Variants in LDB2 observed in about 807,000 individuals in gnomAD.
LDB2 encodes LIM domain-binding protein 2.
In LDB2, 12 loss-of-function variants were observed where a neutral mutation model predicts 44.3. The ratio of observed to expected loss-of-function variants is 0.27; its 90% confidence interval spans 0.17 to 0.44. LDB2 has a LOEUF of 0.44. Ranked by LOEUF, LDB2 falls within the 20% of genes least tolerant of loss-of-function variation. The probability of loss-of-function intolerance (pLI) is 1.00; values close to 1 mark genes in which losing one functional copy is unlikely to be tolerated. For synonymous variants in LDB2, 164 were observed against 174.8 expected, an observed-to-expected ratio of 0.94 and a Z score of 0.49; for missense variants, 344 against 473.5, an observed-to-expected ratio of 0.73 and a Z score of 2.54.
chr4:16,789,932 AAAACAAAAACAAAC>A (rs1775336735), intron 1 of LDB2, among the ~76,000 whole-genome samples: 1 of 152,328 alleles, frequency 6.6e-6, no homozygotes, highest in South Asian at 2.1e-4. Flanking sequence ...ACTCCACCTC[AAAACAAAAACAAAC>A]AAACAAAAAC....
At chr4:16,532,728 C>T (rs553833561) in intron 5 of LDB2, among the ~76,000 whole-genome samples, 4 of 152,276 alleles carry the variant, frequency 2.6e-5, no homozygotes, top group African/African-American at 9.6e-5. Context: ...TGACACCTTG[C>T]TCCGAATAAT....
intron 2 of LDB2, among the ~76,000 whole-genome samples, chr4:16,614,573 G>GAAAAAAAAAAAAAAAAAAAAA (rs1282791131): frequency 1.1e-4 from 3 of 26,770 alleles, no homozygotes; most frequent in Non-Finnish European, 1.7e-4. Flanking sequence ...ACATTTACAA[G>GAAAAAAAAAAAAAAAAAAAAA]AAAAAACAAA....
chr4:16,773,814 A>G (rs1030224791), intron 1 of LDB2, among the ~76,000 whole-genome samples: 1 of 151,866 alleles, frequency 6.6e-6, no homozygotes, highest in African/African-American at 2.4e-5. Flanking sequence ...AGCTCTCTAC[A>G]GCCTCGAACT....
intron 2 of LDB2, among the ~76,000 whole-genome samples, chr4:16,712,957 T>C (rs1307971255): frequency 2.0e-5 from 3 of 152,234 alleles, no homozygotes; most frequent in Non-Finnish European, 1.5e-5. Context: ...AACTCAAATG[T>C]TCATAATTGC....
intron 1 of LDB2, among the ~76,000 whole-genome samples, chr4:16,837,567 C>T (rs150438374): frequency 6.6e-6 from 1 of 152,318 alleles, no homozygotes; most frequent in African/African-American, 2.4e-5. Flanking sequence ...CACTTGCACA[C>T]TAGGATTGCT....
At chr4:16,693,529 T>C (rs1169400038) in intron 2 of LDB2, among the ~76,000 whole-genome samples, 1 of 152,102 alleles carries the variant, frequency 6.6e-6, no homozygotes, top group Non-Finnish European at 1.5e-5. Context: ...CCAATTTTTG[T>C]AGTTTTTAGT....
intron 5 of LDB2, among the ~76,000 whole-genome samples, chr4:16,559,829 C>G (rs1272112207): frequency 6.6e-6 from 1 of 152,294 alleles, no homozygotes; most frequent in Admixed American, 6.5e-5. Flanking sequence ...AAGCTCTCCT[C>G]AGCAAATGTA....
intron 2 of LDB2, among the ~76,000 whole-genome samples, chr4:16,633,796 C>T (rs1468315883): frequency 6.6e-6 from 1 of 152,192 alleles, no homozygotes; most frequent in Non-Finnish European, 1.5e-5. Flanking sequence ...AAAGAGTCCA[C>T]ATAGCCAAGA....
At chr4:16,635,168 C>T (rs1462352610) in intron 2 of LDB2, among the ~76,000 whole-genome samples, 1 of 152,092 alleles carries the variant, frequency 6.6e-6, no homozygotes, top group Non-Finnish European at 1.5e-5. Context: ...GGAGGGATAA[C>T]ATCAGGAGAA....
Position 16,845,621 on chromosome 4 carries a change from A to G in LDB2, c.132+52733T>C, listed in dbSNP as rs368799996. 4.6e-5 allele frequency among the ~76,000 whole-genome samples: 7 copies of G among 152,340 alleles called. 1 individual carries two copies. The highest frequency in any genetic ancestry group is 3.9e-4 in the East Asian group (2 of 5,178). Reference sequence around the variant, plus strand: ...GCAACATCCTATGACAGCAACAGTGACAGGAATAAGACCAGAAGCAATACT... The same window carrying G: ...GCAACATCCTATGACAGCAACAGTGGCAGGAATAAGACCAGAAGCAATACT... On this transcript the variant is annotated intron_variant, in intron 1 of 7. Coordinates refer to ENST00000304523, the MANE Select transcript of LDB2 (RefSeq NM_001290.5).
intron 5 of LDB2, among the ~76,000 whole-genome samples, chr4:16,569,403 A>T (rs971703007): frequency 6.6e-6 from 1 of 152,162 alleles, no homozygotes; most frequent in African/African-American, 2.4e-5. Flanking sequence ...CTGCTTCTTG[A>T]GTAGACTTTG....
intron 5 of LDB2, among the ~76,000 whole-genome samples, chr4:16,572,601 AT>A (rs1009558801): frequency 7.9e-5 from 12 of 151,406 alleles, no homozygotes; most frequent in African/African-American, 1.5e-4. Context: ...GTGTGTGTGT[AT>A]TTTTTTTAAT....
At chr4:16,735,983 G>A (rs1561041552) in intron 2 of LDB2, among the ~76,000 whole-genome samples, 1 of 152,138 alleles carries the variant, frequency 6.6e-6, no homozygotes, top group African/African-American at 2.4e-5. Flanking sequence ...AAAGACAGAA[G>A]AGCAATTATC....
intron 2 of LDB2, among the ~76,000 whole-genome samples, chr4:16,616,672 T>C (rs1727426864): frequency 1.1e-5 from 1 of 87,250 alleles, no homozygotes; most frequent in Admixed American, 1.3e-4. Context: ...TGTATGACTC[T>C]GCATTTGGGG....
intron 1 of LDB2, among the ~76,000 whole-genome samples, chr4:16,804,088 T>A (rs1324509739): frequency 1.3e-5 from 2 of 152,184 alleles, no homozygotes; most frequent in Non-Finnish European, 2.9e-5. Context: ...TTTTTTTAAT[T>A]GATCCATGTA....
intron 5 of LDB2, chr4:16,581,350 T>C (rs2152418215): frequency 1.1e-6 from 1 of 920,424 alleles, no homozygotes; most frequent in South Asian, 5.0e-5. Context: ...GATGATGTTC[T>C]CAGATACATA....
At chr4:16,876,285 A>G (rs1309600384) in intron 1 of LDB2, among the ~76,000 whole-genome samples, 1 of 152,224 alleles carries the variant, frequency 6.6e-6, no homozygotes, top group African/African-American at 2.4e-5. Flanking sequence ...CAATGGTAAT[A>G]TTCCACTGCA....
intron 2 of LDB2, among the ~76,000 whole-genome samples, chr4:16,748,128 A>G (rs1764746458): frequency 1.3e-5 from 2 of 152,202 alleles, no homozygotes; most frequent in Admixed American, 6.5e-5. Flanking sequence ...GGGCTTTATC[A>G]CCAGGCTCCC....
chr4:16,624,304 C>T (rs951584023), intron 2 of LDB2, among the ~76,000 whole-genome samples: 7 of 152,008 alleles, frequency 4.6e-5, no homozygotes, highest in Admixed American at 3.3e-4. Context: ...ACTATGTTGC[C>T]CAGGCTAGTC....
Sources: allele counts gnomAD v4.1 joint callset (sites outside exome capture counted in the v4.1 genomes callset), GRCh38; gene constraint gnomAD v4.1.1; transcripts MANE v1.5; gene names NCBI Gene and HGNC (gene_info 2026-07-23, HGNC 2026-07-21).